The following SV2C variants were observed in gnomAD, a reference collection of about 807,000 sequenced individuals.
The protein encoded by SV2C is solute carrier family 22 member B3.
In SV2C, 49 loss-of-function variants were observed where a neutral mutation model predicts 79.7. The observed-to-expected ratio is 0.61, with a 90% CI of 0.49 to 0.78. The LOEUF (loss-of-function observed/expected upper bound fraction) is 0.78, where lower values mean the gene tolerates loss of function less well. SV2C is among the 30% of genes least tolerant of loss of function. SV2C has a pLI of 0.00. For missense variants in SV2C, 833 were observed against 912.9 expected (o/e 0.91, Z 1.13); for synonymous variants, 334 against 333.2 (o/e 1.00, Z -0.03).
At chr5:76,120,540 C>G (rs1487908837) in intron 1 of SV2C, among the ~76,000 whole-genome samples, 8 of 123,642 alleles carry the variant, frequency 6.5e-5, no homozygotes. Flanking sequence ...ACAACAGTCC[C>G]CAGTGTGTGA....
chr5:76,036,005 CTTCT>C, the SV2C span, among the ~76,000 whole-genome samples: 1 of 152,104 alleles, frequency 6.6e-6, no homozygotes, highest in Admixed American at 6.6e-5. Flanking sequence ...ATGTAATGGC[CTTCT>C]TTGTCTTTTG....
At chr5:76,282,305 A>G (rs562613478) in intron 4 of SV2C, among the ~76,000 whole-genome samples, 2 of 152,390 alleles carry the variant, frequency 1.3e-5, no homozygotes. Context: ...AGAGATTTAC[A>G]TTCACCAGAC....
chr5:76,033,922 C>G, the SV2C span, among the ~76,000 whole-genome samples: 101 of 151,922 alleles, frequency 6.6e-4, no homozygotes, highest in South Asian at 2.1e-4. Context: ...CTTTTATTTC[C>G]TTGAGCAGTG....
At chr5:76,129,725 A>T (rs1748819337) in intron 1 of SV2C, among the ~76,000 whole-genome samples, 1 of 152,138 alleles carries the variant, frequency 6.6e-6, no homozygotes, top group Admixed American at 6.6e-5. Flanking sequence ...TTGATATACA[A>T]TTTCTTGGAA....
At chr5:75,925,916 A>T in the SV2C span, among the ~76,000 whole-genome samples, 1 of 152,102 alleles carries the variant, frequency 6.6e-6, no homozygotes. Context: ...GGTTTCCATG[A>T]ATCACTTGGG....
At chr5:76,171,770 C>CA (rs1743277163) in intron 2 of SV2C, among the ~76,000 whole-genome samples, 1 of 113,792 alleles carries the variant, frequency 8.8e-6, no homozygotes, top group Non-Finnish European at 2.0e-5. Flanking sequence ...GGGGGGTCAG[C>CA]CCCCCGCCCG....
At chr5:76,306,378 G>T (rs1028164223) in intron 12 of SV2C, among the ~76,000 whole-genome samples, 25 of 152,010 alleles carry the variant, frequency 1.6e-4, no homozygotes, top group Admixed American at 7.2e-4. Flanking sequence ...CTTATCCAAG[G>T]GTTTTAGGAG....
the SV2C span, among the ~76,000 whole-genome samples, chr5:76,070,146 C>G: frequency 6.6e-6 from 1 of 152,194 alleles, no homozygotes; most frequent in Admixed American, 6.5e-5. Context: ...CTAGGCTTCT[C>G]TCATCCTGGA....
intron 4 of SV2C, among the ~76,000 whole-genome samples, chr5:76,276,638 CT>C (rs1188116727): frequency 2.6e-3 from 362 of 137,486 alleles, no homozygotes; most frequent in South Asian, 5.5e-3. Flanking sequence ...TTTTCTTTTT[CT>C]TTTTTTTTTT....
chr5:75,954,859 G>A, the SV2C span, among the ~76,000 whole-genome samples: 1 of 142,014 alleles, frequency 7.0e-6, no homozygotes, highest in Non-Finnish European at 1.5e-5. Flanking sequence ...ACCTCTTCAA[G>A]GAGAACTACA....
chr5:76,319,222 G>C (rs943780216), intron 12 of SV2C, among the ~76,000 whole-genome samples: 2 of 150,254 alleles, frequency 1.3e-5, no homozygotes, highest in Admixed American at 6.7e-5. Context: ...AACACCCTGG[G>C]CAACATGGTG....
chr5:76,119,107 C>G (rs1456360458), intron 1 of SV2C, among the ~76,000 whole-genome samples: 3 of 152,148 alleles, frequency 2.0e-5, no homozygotes, highest in African/African-American at 4.8e-5. Context: ...ATATAAACAG[C>G]CTACATGCCC....
At chr5:75,894,824 G>C in the SV2C span, among the ~76,000 whole-genome samples, 3,726 of 152,126 alleles carry the variant, frequency 0.024, 152 homozygotes, top group African/African-American at 0.085. Context: ...CCATGCTCAT[G>C]TGTAAGGCTG....
At chr5:75,882,849 T>A in the SV2C span, among the ~76,000 whole-genome samples, 1 of 150,212 alleles carries the variant, frequency 6.7e-6, no homozygotes, top group African/African-American at 2.4e-5. Context: ...TGGGATCTAA[T>A]TAAACTAAAG....
At chr5:75,950,259 T>G in the SV2C span, among the ~76,000 whole-genome samples, 1 of 152,014 alleles carries the variant, frequency 6.6e-6, no homozygotes, top group African/African-American at 2.4e-5. Flanking sequence ...TAAACATAAT[T>G]GAATGAAACG....
the SV2C span, among the ~76,000 whole-genome samples, chr5:76,049,829 T>G: frequency 2.6e-5 from 4 of 152,234 alleles, no homozygotes; most frequent in African/African-American, 9.7e-5. Context: ...GTTTATTTTG[T>G]AATAAAACTT....
the SV2C span, among the ~76,000 whole-genome samples, chr5:75,859,199 A>G: frequency 6.6e-6 from 1 of 152,168 alleles, no homozygotes; most frequent in South Asian, 2.1e-4. Flanking sequence ...GACTGAGCCC[A>G]TAAAACTAAG....
intron 8 of SV2C, among the ~76,000 whole-genome samples, chr5:76,294,187 G>A (rs544573265): frequency 3.7e-4 from 56 of 152,060 alleles, no homozygotes; most frequent in Non-Finnish European, 7.4e-4. Context: ...TAGAGGTATC[G>A]TGTGAACCAC....
At chr5:76,194,820 C>CA in intron 2 of SV2C, 99 bp from the exon 3 acceptor site, 2 of 1,416,834 alleles carry the variant, frequency 1.4e-6, no homozygotes, top group Non-Finnish European at 1.9e-6. Flanking sequence ...TTTCCTCATG[C>CA]AAAATGCTGG....
Sources: gnomAD v4.1 joint callset for allele counts (sites outside exome capture counted in the v4.1 genomes callset) on GRCh38, gnomAD v4.1.1 for gene constraint, MANE v1.5 for transcripts, NCBI Gene and HGNC (gene_info 2026-07-23, HGNC 2026-07-21) for gene names.